DCC: variants seen among roughly 807,000 people sequenced by gnomAD.
The protein encoded by DCC is netrin receptor DCC.
DCC carries 58 observed loss-of-function variants against 172.5 expected under a neutral mutation model. That is an observed-to-expected ratio of 0.34 (90% confidence interval 0.27 to 0.42). DCC has a LOEUF of 0.42. Among genes scored for constraint, DCC ranks in the 10% least tolerant of loss-of-function variants. The probability of loss-of-function intolerance (pLI) is 1.00; values close to 1 mark genes in which losing one functional copy is unlikely to be tolerated. For missense variants in DCC, 1,740 were observed against 1,791.0 expected, an observed-to-expected ratio of 0.97 and a Z score of 0.51; for synonymous variants, 709 against 644.5, an observed-to-expected ratio of 1.10 and a Z score of -1.52.
At chr18:52,464,741 T>C (rs955846495) in intron 1 of DCC, among the ~76,000 whole-genome samples, 2 of 151,888 alleles carry the variant, frequency 1.3e-5, no homozygotes, top group Non-Finnish European at 2.9e-5. Flanking sequence ...TGGTACTACC[T>C]GTTTTGTTTT....
intron 2 of DCC, among the ~76,000 whole-genome samples, chr18:52,841,245 A>G (rs574202409): frequency 1.3e-5 from 2 of 151,880 alleles, no homozygotes; most frequent in Non-Finnish European, 2.9e-5. Context: ...TTTTCTTCTA[A>G]GTACATGGAG....
intron 1 of DCC, among the ~76,000 whole-genome samples, chr18:52,669,007 A>C (rs1191892018): frequency 6.6e-6 from 1 of 152,170 alleles, no homozygotes; most frequent in Non-Finnish European, 1.5e-5. Context: ...CGCACTGGAG[A>C]CCTGGAGTTT....
intron 13 of DCC, 44 bp from the exon 14 acceptor site, chr18:53,322,003 G>C (rs767745062): frequency 9.7e-7 from 1 of 1,029,506 alleles, no homozygotes; most frequent in South Asian, 1.3e-5. Flanking sequence ...GGAATACTTG[G>C]TGCATAGTAA....
chr18:52,591,992 A>T (rs2033811923), intron 1 of DCC, among the ~76,000 whole-genome samples: 1 of 151,786 alleles, frequency 6.6e-6, no homozygotes, highest in African/African-American at 2.4e-5. Flanking sequence ...TTCTGTAGTC[A>T]CTGGATGAAT....
chr18:52,856,303 A>G (rs1568148452), intron 2 of DCC, among the ~76,000 whole-genome samples: 2 of 152,066 alleles, frequency 1.3e-5, no homozygotes, highest in African/African-American at 4.8e-5. Flanking sequence ...TATGGAACTT[A>G]AGATGATAGA....
Position 53,179,033 on chromosome 18 carries a change from T to G in DCC, c.1490T>G (p.Met497Arg), listed in dbSNP as rs369353552. 6.2e-6 allele frequency: 10 copies of G among 1,613,946 alleles called. No individual in the cohort carries two copies. In the African/African-American group the frequency reaches 1.3e-4, roughly 22 times the overall value. ...GTGGGAAACCTGAAGCCAGAAGCCA[T>G]GTACACCTTTCGAGTTGTGGCTTAC... ...LTVGNLKPEA[M>R]YTFRVVAYNE... is the part of the protein sequence containing the mutation. The change falls in exon 9 of 29, where the codon ATG (methionine) becomes AGG (arginine). Residue 497 changes from methionine to arginine, a missense_variant. This residue lies in a region of DCC where 1,732 missense variants were observed against 1,767.4 expected (regional missense o/e 0.98). Transcript: ENST00000442544.
intron 15 of DCC, among the ~76,000 whole-genome samples, chr18:53,341,730 C>A (rs2057662416): frequency 6.6e-6 from 1 of 152,018 alleles, no homozygotes. Context: ...ACTATTTAGC[C>A]AAAGTGTGTG....
At chr18:52,730,450 A>G (rs1178094693) in intron 1 of DCC, among the ~76,000 whole-genome samples, 1 of 152,184 alleles carries the variant, frequency 6.6e-6, no homozygotes, top group Non-Finnish European at 1.5e-5. Flanking sequence ...TTGATCTACC[A>G]TGGTTCTAAG....
intron 12 of DCC, among the ~76,000 whole-genome samples, chr18:53,226,948 A>ATATTTTTTT: frequency 1.1e-4 from 6 of 52,954 alleles, no homozygotes; most frequent in Non-Finnish European, 2.0e-4. Context: ...ATATATATAT[A>ATATTTTTTT]TTTTTTTTTT....
chr18:52,507,160 G>A (rs1252493798), intron 1 of DCC, among the ~76,000 whole-genome samples: 2 of 152,136 alleles, frequency 1.3e-5, no homozygotes, highest in African/African-American at 2.4e-5. Context: ...CCTCCCCTAT[G>A]AGTCTTATTC....
At chr18:53,082,684 A>G (rs1007048170) in intron 7 of DCC, among the ~76,000 whole-genome samples, 2 of 152,124 alleles carry the variant, frequency 1.3e-5, no homozygotes, top group African/African-American at 4.8e-5. Context: ...CTTGTTTACT[A>G]AAAACCTCTA....
At chr18:53,163,970 G>C (rs958009783) in intron 8 of DCC, among the ~76,000 whole-genome samples, 14 of 152,132 alleles carry the variant, frequency 9.2e-5, no homozygotes, top group African/African-American at 3.4e-4. Flanking sequence ...ACCAAGATGA[G>C]ACTTAAAGAA....
At chr18:53,489,208 A>G (rs558816468) in intron 26 of DCC, among the ~76,000 whole-genome samples, 69 of 152,358 alleles carry the variant, frequency 4.5e-4, no homozygotes, top group Middle Eastern at 6.8e-3. Context: ...ATGAAAAGGC[A>G]TTGGATGTTC....
intron 14 of DCC, among the ~76,000 whole-genome samples, chr18:53,339,400 A>G (rs2057629541): frequency 6.6e-6 from 1 of 152,160 alleles, no homozygotes; most frequent in Non-Finnish European, 1.5e-5. Flanking sequence ...TTCACCCTTC[A>G]TTAATGATAC....
intron 1 of DCC, among the ~76,000 whole-genome samples, chr18:52,360,404 C>G (rs1158059742): frequency 2.0e-5 from 3 of 152,210 alleles, no homozygotes; most frequent in Non-Finnish European, 4.4e-5. Flanking sequence ...CTCTGTGATT[C>G]ACATATGTGC....
intron 1 of DCC, among the ~76,000 whole-genome samples, chr18:52,617,809 A>C (rs868614191): frequency 5.9e-5 from 9 of 152,026 alleles, no homozygotes; most frequent in African/African-American, 2.2e-4. Flanking sequence ...GTGAAGCATG[A>C]AGAGAAGCTT....
At chr18:53,524,352 CA>C (rs2046432144) in intron 27 of DCC, among the ~76,000 whole-genome samples, 1 of 151,396 alleles carries the variant, frequency 6.6e-6, no homozygotes, top group Non-Finnish European at 1.5e-5. Flanking sequence ...ATGACAAACC[CA>C]AAATGATTGT....
At chr18:53,349,412 T>G (rs553306655) in intron 15 of DCC, among the ~76,000 whole-genome samples, 1 of 152,268 alleles carries the variant, frequency 6.6e-6, no homozygotes, top group South Asian at 2.1e-4. Flanking sequence ...TTGTCCTATC[T>G]TCTTCTGAGC....
At chr18:52,560,958 A>G (rs1429118469) in intron 1 of DCC, among the ~76,000 whole-genome samples, 1 of 152,134 alleles carries the variant, frequency 6.6e-6, no homozygotes, top group Non-Finnish European at 1.5e-5. Flanking sequence ...TCCTTACATT[A>G]TAATTTTATG....
Sources: allele counts gnomAD v4.1 joint callset (sites outside exome capture counted in the v4.1 genomes callset), GRCh38; gene constraint gnomAD v4.1.1; regional missense constraint gnomAD v4.1.1; transcripts MANE v1.5; gene names NCBI Gene and HGNC (gene_info 2026-07-23, HGNC 2026-07-21).